Variants in FGF12 observed in about 807,000 individuals in gnomAD.
FGF12 encodes the protein fibroblast growth factor 12.
Under a neutral mutation model 23.6 loss-of-function variants are expected in FGF12, and 14 were observed. The observed-to-expected ratio is 0.59, with a 90% confidence interval of 0.39 to 0.93. FGF12 has a LOEUF of 0.93. Among genes scored for constraint, FGF12 ranks in the 40% least tolerant of loss-of-function variants. The pLI is 0.00. For synonymous variants in FGF12, 62 were observed against 77.3 expected, an observed-to-expected ratio of 0.80 and a Z score of 1.04; for missense variants, 175 against 217.8, an observed-to-expected ratio of 0.80 and a Z score of 1.24.
intron 4 of FGF12, among the ~76,000 whole-genome samples, chr3:192,178,804 CTT>C (rs1405073106): frequency 6.6e-6 from 1 of 152,082 alleles, no homozygotes; most frequent in Non-Finnish European, 1.5e-5. Flanking sequence ...GGTCTAAACT[CTT>C]TTTAATGTAT....
At chr3:192,454,794 G>T (rs1321011069) in intron 2 of FGF12, among the ~76,000 whole-genome samples, 1 of 152,176 alleles carries the variant, frequency 6.6e-6, no homozygotes, top group Non-Finnish European at 1.5e-5. Context: ...AGAAAAAGGT[G>T]TCACACTAGA....
At chr3:192,477,721 A>G (rs903863823) in intron 2 of FGF12, among the ~76,000 whole-genome samples, 11 of 152,178 alleles carry the variant, frequency 7.2e-5, no homozygotes, top group African/African-American at 1.9e-4. Flanking sequence ...AAAATTAGCT[A>G]TAAATTATTA....
chr3:192,467,663 A>G (rs1326856458), intron 2 of FGF12, among the ~76,000 whole-genome samples: 1 of 152,206 alleles, frequency 6.6e-6, no homozygotes, highest in East Asian at 1.9e-4. Context: ...AGAGGACTAC[A>G]TGATTGTGAA....
chr3:192,167,183 A>C (rs1014105963), intron 5 of FGF12, among the ~76,000 whole-genome samples: 1 of 142,752 alleles, frequency 7.0e-6, no homozygotes, highest in East Asian at 2.0e-4. Context: ...AAAAAAAAAA[A>C]GACTACATTC....
intron 2 of FGF12, among the ~76,000 whole-genome samples, chr3:192,533,602 T>C (rs1391070092): frequency 6.6e-6 from 1 of 152,170 alleles, no homozygotes; most frequent in African/African-American, 2.4e-5. Flanking sequence ...GACAGTAAAA[T>C]GTAAGCCTGC....
At chr3:192,404,347 T>A (rs976760214) in intron 2 of FGF12, among the ~76,000 whole-genome samples, 2 of 152,156 alleles carry the variant, frequency 1.3e-5, no homozygotes, top group Non-Finnish European at 2.9e-5. Flanking sequence ...ACTCAGACAT[T>A]CAGAGATTCT....
chr3:192,343,767 T>C (rs1393480171), intron 3 of FGF12, among the ~76,000 whole-genome samples: 1 of 152,182 alleles, frequency 6.6e-6, no homozygotes, highest in Non-Finnish European at 1.5e-5. Context: ...AATATTTATA[T>C]GTTTGTCTGA....
intron 4 of FGF12, among the ~76,000 whole-genome samples, chr3:192,253,457 A>C (rs1240282024): frequency 1.3e-5 from 2 of 152,120 alleles, no homozygotes; most frequent in Non-Finnish European, 2.9e-5. Context: ...CAAAAGTAAG[A>C]AAGAATGAAA....
At chr3:192,256,406 A>G (rs1463430406) in intron 4 of FGF12, among the ~76,000 whole-genome samples, 2 of 151,736 alleles carry the variant, frequency 1.3e-5, no homozygotes, top group African/African-American at 4.8e-5. Flanking sequence ...CCTATAAGCA[A>G]CATACTTGTT....
intron 2 of FGF12, among the ~76,000 whole-genome samples, chr3:192,465,700 G>C (rs1722991450): frequency 6.6e-6 from 1 of 152,056 alleles, no homozygotes; most frequent in African/African-American, 2.4e-5. Flanking sequence ...CGTGACTGTC[G>C]CCCTCCCCGA....
At chr3:192,395,981 G>T (rs1293933343) in intron 2 of FGF12, among the ~76,000 whole-genome samples, 1 of 152,212 alleles carries the variant, frequency 6.6e-6, no homozygotes, top group Non-Finnish European at 1.5e-5. Context: ...GGGTCGGCTA[G>T]AGTAGTATGT....
intron 2 of FGF12, among the ~76,000 whole-genome samples, chr3:192,428,943 G>A (rs1023401329): frequency 2.6e-5 from 4 of 151,822 alleles, no homozygotes; most frequent in Non-Finnish European, 4.4e-5. Context: ...CATTCCTCCA[G>A]TCAGTTTATT....
chr3:192,549,884 G>A (rs1469783211), intron 2 of FGF12, among the ~76,000 whole-genome samples: 1 of 152,010 alleles, frequency 6.6e-6, no homozygotes, highest in Non-Finnish European at 1.5e-5. Flanking sequence ...TGGTATTCAG[G>A]CCTTCAGACT....
intron 2 of FGF12, among the ~76,000 whole-genome samples, chr3:192,576,258 TTCA>T (rs1712878287): frequency 6.6e-6 from 1 of 152,232 alleles, no homozygotes; most frequent in South Asian, 2.1e-4. Flanking sequence ...GTAAAACAAT[TTCA>T]TATTCACCAT....
chr3:192,168,628 C>A (rs576506344), intron 5 of FGF12, among the ~76,000 whole-genome samples: 1 of 152,108 alleles, frequency 6.6e-6, no homozygotes, highest in Non-Finnish European at 1.5e-5. Flanking sequence ...AGTTCTCTGG[C>A]GCATATATTC....
intron 4 of FGF12, among the ~76,000 whole-genome samples, chr3:192,247,630 T>A (rs1711709609): frequency 6.6e-6 from 1 of 152,320 alleles, no homozygotes; most frequent in East Asian, 1.9e-4. Context: ...TCAAGGTCAA[T>A]AATTTAATAA....
At chr3:192,457,931 G>C (rs1422089419) in intron 2 of FGF12, among the ~76,000 whole-genome samples, 1 of 152,218 alleles carries the variant, frequency 6.6e-6, no homozygotes, top group Non-Finnish European at 1.5e-5. Flanking sequence ...TGTGCAGCTA[G>C]AGACTTGGTG....
At position 192,727,538 on chromosome 3, in the gene FGF12, T is replaced by TAGTG; in HGVS notation, c.-186_-185insCACT. On this transcript the variant is annotated 5_prime_UTR_variant, in exon 1 of 6. Coordinates refer to ENST00000445105, the MANE Select transcript of FGF12 (RefSeq NM_004113.6). Reference sequence around the variant, plus strand: ...TCCTCCGAGCGTGGTGCTGCAGGTGTAGTGACAGATCATCCCACTTTGCTC... The same window carrying TAGTG: ...TCCTCCGAGCGTGGTGCTGCAGGTGTAGTGAGTGACAGATCATCCCACTTTGCTC... 2.1e-6 allele frequency: 1 copy of TAGTG among 470,552 alleles called. No homozygotes were observed. The allele number at this position is 470,552 out of a possible 1,614,324, so 29.1% of individuals were successfully genotyped here.
chr3:192,262,698 A>G (rs1262816852), intron 4 of FGF12, among the ~76,000 whole-genome samples: 1 of 152,092 alleles, frequency 6.6e-6, no homozygotes, highest in Non-Finnish European at 1.5e-5. Context: ...TTACCTACGT[A>G]TACTCCATGA....
Sources: gnomAD v4.1 joint callset for allele counts (sites outside exome capture counted in the v4.1 genomes callset) on GRCh38, gnomAD v4.1.1 for gene constraint, MANE v1.5 for transcripts, NCBI Gene and HGNC (gene_info 2026-07-23, HGNC 2026-07-21) for gene names.